The following RRP15 variants were observed in gnomAD, a reference collection of about 807,000 sequenced individuals.
RRP15 encodes RRP15-like protein.
A neutral mutation model predicts 27.1 loss-of-function variants in RRP15; 18 were observed. The observed-to-expected ratio is 0.66, with a 90% confidence interval of 0.46 to 0.98. The LOEUF (loss-of-function observed/expected upper bound fraction) is 0.98. RRP15 is among the 50% of genes least tolerant of loss of function. The pLI is 0.00. For synonymous variants in RRP15, 107 were observed against 109.4 expected (o/e 0.98, Z 0.14); for missense variants, 359 against 337.8 (o/e 1.06, Z -0.49).
intron 1 of RRP15, among the ~76,000 whole-genome samples, chr1:218,300,375 ACTTT>A (rs1387843795): frequency 6.6e-6 from 1 of 152,230 alleles, no homozygotes; most frequent in East Asian, 1.9e-4. Flanking sequence ...TTTATTTCCT[ACTTT>A]CTAATTTGTT....
chr1:218,324,237 C>T (rs1336534407), intron 4 of RRP15, among the ~76,000 whole-genome samples: 3 of 152,192 alleles, frequency 2.0e-5, no homozygotes, highest in African/African-American at 4.8e-5. Flanking sequence ...GCAGCAGCAG[C>T]TGCAGGGGAG....
At position 218,313,256 on chromosome 1, in the gene RRP15, A is replaced by G. The variant is rs554672166; in HGVS notation, c.705+5624A>G. On this transcript the variant is annotated intron_variant, in intron 4 of 4. Coordinates refer to ENST00000366932, the MANE Select transcript of RRP15 (RefSeq NM_016052.4). The stretch of plus-strand genomic sequence containing the variant: ...GACCAATTAGTGGAAGACAATTGCC[A>G]TAATTAAAGCAAGGGGAGAGAACGT... Among the ~76,000 whole-genome samples, 6 of 152,328 alleles carry G rather than the reference A, an allele frequency of 3.9e-5. No individual in the cohort carries two copies. In the South Asian group the frequency reaches 6.2e-4, roughly 16 times the overall value.
At chr1:218,312,042 G>A (rs1656002686) in intron 4 of RRP15, among the ~76,000 whole-genome samples, 1 of 152,184 alleles carries the variant, frequency 6.6e-6, no homozygotes, top group Non-Finnish European at 1.5e-5. Context: ...AACACCAGAA[G>A]CTGGAGGAGA....
chr1:218,307,569 G>C lies in RRP15; in HGVS notation c.642G>C (p.Leu214Phe). 2 of 1,614,020 alleles carry C rather than the reference G, an allele frequency of 1.2e-6. No homozygotes were observed. Among genetic ancestry groups the C allele is most frequent in the Non-Finnish European group, 1.7e-6 (2 of 1,179,944 alleles). ...CCAAGAAAGATTTCATCAGTGTTTT[G>C]AGAGGGATGGATGGAAGTACAAATG... Reference protein sequence around the residue: ...TVSKKDFISVLRGMDGSTNET... With the variant: ...TVSKKDFISVFRGMDGSTNET... Residue 214 changes from leucine (L) to phenylalanine (F), a missense_variant, in exon 4 of 5, where the codon TTG (leucine) becomes TTC (phenylalanine). By Grantham distance (22) the Leu-to-Phe change is conservative. Transcript: ENST00000366932.
chr1:218,309,957 A>G (rs1477062839), intron 4 of RRP15, among the ~76,000 whole-genome samples: 1 of 152,220 alleles, frequency 6.6e-6, no homozygotes, highest in Non-Finnish European at 1.5e-5. Flanking sequence ...TATTTAGAGC[A>G]TAGATCATTA....
Position 218,312,812 on chromosome 1 carries a change from G to A in RRP15, c.705+5180G>A, listed in dbSNP as rs114286288. Among the ~76,000 whole-genome samples, 1,010 of 152,224 alleles carry A rather than the reference G, an allele frequency of 6.6e-3. 17 individuals carry two copies. The highest frequency in any genetic ancestry group is 0.023 in the African/African-American group (968 of 41,532). Reference sequence around the variant, plus strand: ...ATGGCATGAAGTAAACATGGTAAGGGGGAAAAAGCCTGCCAGTTCTGTAAT... The same window carrying A: ...ATGGCATGAAGTAAACATGGTAAGGAGGAAAAAGCCTGCCAGTTCTGTAAT... On this transcript the variant is annotated intron_variant, in intron 4 of 4. Transcript: ENST00000366932.
In RRP15 at chr1:218,335,820, AC is replaced by A. The variant is rs1656439318; in HGVS notation, c.*4730del. The A allele has an allele frequency of 6.6e-6, 1 of 151,960 alleles. No homozygotes were observed. 9.4% of individuals were successfully genotyped at this position (151,960 alleles called of 1,614,324 possible). A position where few individuals can be genotyped will look rare whatever the true frequency, so the allele number is the denominator to read the frequency against. On this transcript the variant is annotated 3_prime_UTR_variant, in exon 5 of 5. Coordinates refer to ENST00000366932, the MANE Select transcript of RRP15 (RefSeq NM_016052.4). The stretch of plus-strand genomic sequence containing the variant: ...AATTTTATTGATTGAATTATTGTTG[AC>A]TTTTTTTTCAGTATTTATATTTTTA...
intron 4 of RRP15, among the ~76,000 whole-genome samples, chr1:218,316,577 C>T (rs747546257): frequency 2.0e-5 from 3 of 152,096 alleles, no homozygotes; most frequent in Non-Finnish European, 2.9e-5. Flanking sequence ...AACCAGACTG[C>T]CTGAGTTCAA....
chr1:218,330,375 C>T (rs902215723), intron 4 of RRP15, among the ~76,000 whole-genome samples: 4 of 152,166 alleles, frequency 2.6e-5, no homozygotes, highest in African/African-American at 9.7e-5. Flanking sequence ...TCTTTGATTA[C>T]ATGATTGGGT....
In RRP15 at chr1:218,330,991, G is replaced by A. The variant is rs139831875; in HGVS notation, c.749G>A (p.Arg250His). The A allele has an allele frequency of 1.9e-5, 31 of 1,613,670 alleles. No individual in the cohort carries two copies. The highest frequency in any genetic ancestry group is 3.3e-4 in the Middle Eastern group (2 of 6,060). The change falls in exon 5 of 5, where the codon CGT becomes CAT. Residue 250 changes from arginine to histidine, a missense_variant. Coordinates refer to ENST00000366932, the MANE Select transcript of RRP15 (RefSeq NM_016052.4). ...GAAGGCCCAGGTTGGACGATCCTAC[G>A]TGATGATTTCATGATGGGAGCATCT... ...SEEGPGWTIL[R>H]DDFMMGASMK... is the part of the protein sequence containing the mutation.
chr1:218,322,768 C>T (rs1454877409), intron 4 of RRP15, among the ~76,000 whole-genome samples: 1 of 152,142 alleles, frequency 6.6e-6, no homozygotes, highest in Non-Finnish European at 1.5e-5. Flanking sequence ...AGCTGGAAAC[C>T]TCTGTGACCA....
chr1:218,311,973 A>G (rs894755856), intron 4 of RRP15, among the ~76,000 whole-genome samples: 1 of 152,216 alleles, frequency 6.6e-6, no homozygotes, highest in Non-Finnish European at 1.5e-5. Context: ...CGGAGCAGGC[A>G]GTGTGACCAT....
At chr1:218,287,008 C>T (rs1332062713) in intron 1 of RRP15, among the ~76,000 whole-genome samples, 1 of 152,110 alleles carries the variant, frequency 6.6e-6, no homozygotes, top group African/African-American at 2.4e-5. Flanking sequence ...GGCTAGAGTG[C>T]AGTGGCACAA....
At chr1:218,309,725 C>T (rs1037233622) in intron 4 of RRP15, among the ~76,000 whole-genome samples, 2 of 150,796 alleles carry the variant, frequency 1.3e-5, no homozygotes, top group African/African-American at 4.9e-5. Flanking sequence ...TATTAAGTGC[C>T]TGTTTCTACC....
At chr1:218,320,773 C>T (rs1233361572) in intron 4 of RRP15, among the ~76,000 whole-genome samples, 4 of 151,296 alleles carry the variant, frequency 2.6e-5, no homozygotes, top group East Asian at 1.9e-4. Context: ...AATCAGTGGG[C>T]GAAAAAAATT....
intron 4 of RRP15, among the ~76,000 whole-genome samples, chr1:218,320,716 C>T (rs939295287): frequency 7.9e-5 from 12 of 151,786 alleles, no homozygotes; most frequent in African/African-American, 2.7e-4. Context: ...CTCTTCATAG[C>T]TCCTATCTCA....
intron 4 of RRP15, among the ~76,000 whole-genome samples, chr1:218,316,262 C>T (rs753892769): frequency 8.6e-5 from 13 of 152,036 alleles, no homozygotes; most frequent in Non-Finnish European, 1.9e-4. Context: ...ATTAATGGTG[C>T]CATACATCTT....
In RRP15 at chr1:218,333,256, T is replaced by C. The variant is rs573387972; in HGVS notation, c.*2165T>C. 6.6e-6 allele frequency: 1 copy of C among 152,346 alleles called. No individual in the cohort carries two copies. The highest frequency in any genetic ancestry group is 1.5e-5 in the Non-Finnish European group (1 of 68,022). The allele number at this position is 152,346 out of a possible 1,614,324, so 9.4% of individuals were successfully genotyped here. On this transcript the variant is annotated 3_prime_UTR_variant, in exon 5 of 5. Transcript: ENST00000366932. ...AAATTATATGACAATTTTTATCATATAGATTTGATATCTTCTATGTATTCG... is the reference window on the plus strand; with the variant it reads ...AAATTATATGACAATTTTTATCATACAGATTTGATATCTTCTATGTATTCG...
At chr1:218,330,914 C>G (rs1442512066) in intron 4 of RRP15, 34 bp from the exon 5 acceptor site, 15 of 1,596,014 alleles carry the variant, frequency 9.4e-6, no homozygotes, top group African/African-American at 1.3e-5. Context: ...ATGGAATTGA[C>G]TTTTGAATAT....
Sources: allele counts gnomAD v4.1 joint callset (sites outside exome capture counted in the v4.1 genomes callset), GRCh38; gene constraint gnomAD v4.1.1; transcripts MANE v1.5; gene names NCBI Gene and HGNC (gene_info 2026-07-23, HGNC 2026-07-21).